The following EPHA6 variants were observed in gnomAD, a reference collection of about 807,000 sequenced individuals.
EPHA6 encodes the protein ephrin type-A receptor 6.
Under a neutral mutation model 112.0 loss-of-function variants are expected in EPHA6, and 50 were observed. The ratio of observed to expected loss-of-function variants is 0.45; its 90% CI spans 0.36 to 0.56. The LOEUF (loss-of-function observed/expected upper bound fraction) is 0.56. Among genes scored for constraint, EPHA6 ranks in the 20% least tolerant of loss-of-function variants. The pLI is 0.00. For missense variants in EPHA6, 1,280 were observed against 1,417.4 expected, an observed-to-expected ratio of 0.90 and a Z score of 1.56; for synonymous variants, 529 against 490.7, an observed-to-expected ratio of 1.08 and a Z score of -1.03.
At chr3:96,968,733 A>G (rs1369252064) in intron 2 of EPHA6, among the ~76,000 whole-genome samples, 1 of 151,888 alleles carries the variant, frequency 6.6e-6, no homozygotes, top group Admixed American at 6.6e-5. Flanking sequence ...GTGCAATATA[A>G]TGTGCAATAT....
At chr3:97,335,711 G>A (rs190092754) in intron 5 of EPHA6, among the ~76,000 whole-genome samples, 101 of 152,260 alleles carry the variant, frequency 6.6e-4, no homozygotes, top group South Asian at 4.1e-3. Flanking sequence ...CCTAGACAGA[G>A]CCAATTTATC....
At chr3:97,025,413 A>G (rs963578754) in intron 3 of EPHA6, among the ~76,000 whole-genome samples, 1 of 152,146 alleles carries the variant, frequency 6.6e-6, no homozygotes, top group Non-Finnish European at 1.5e-5. Context: ...TGCCAGATGC[A>G]TAGTTACTAA....
intron 2 of EPHA6, among the ~76,000 whole-genome samples, chr3:96,872,506 T>C (rs573652364): frequency 1.3e-5 from 2 of 152,148 alleles, no homozygotes; most frequent in East Asian, 3.9e-4. Context: ...TTCTTGTTCT[T>C]GCAAGGTAAG....
At chr3:97,150,241 C>A (rs766664427) in intron 3 of EPHA6, among the ~76,000 whole-genome samples, 26 of 152,168 alleles carry the variant, frequency 1.7e-4, no homozygotes, top group Non-Finnish European at 2.5e-4. Flanking sequence ...CTACCACCTC[C>A]TAAGTCAGGC....
At chr3:97,213,682 T>TG (rs72425911) in intron 3 of EPHA6, among the ~76,000 whole-genome samples, 32,176 of 152,064 alleles carry the variant, frequency 0.21, 8,704 homozygotes, top group African/African-American at 0.61. Flanking sequence ...CTTCACATTT[T>TG]GTCTTCTCCA....
intron 3 of EPHA6, among the ~76,000 whole-genome samples, chr3:97,014,596 C>T (rs1056077256): frequency 3.9e-5 from 6 of 152,066 alleles, no homozygotes; most frequent in East Asian, 3.8e-4. Flanking sequence ...GAAAGGACTG[C>T]GATGTTGAAA....
At chr3:97,233,094 T>G (rs1175258657) in intron 4 of EPHA6, among the ~76,000 whole-genome samples, 7 of 152,034 alleles carry the variant, frequency 4.6e-5, no homozygotes, top group African/African-American at 7.2e-5. Flanking sequence ...GAGACCACTG[T>G]TCCCTGGCAC....
At chr3:97,541,541 G>A (rs1056648405) in intron 11 of EPHA6, among the ~76,000 whole-genome samples, 1 of 151,752 alleles carries the variant, frequency 6.6e-6, no homozygotes, top group African/African-American at 2.4e-5. Context: ...TGTCCTTTTC[G>A]CTGCTCCAGG....
Position 96,856,699 on chromosome 3 carries a change from C to A in EPHA6, c.386-10126C>A, listed in dbSNP as rs570263629. Among the ~76,000 whole-genome samples the A allele has an allele frequency of 5.9e-5, 9 of 152,202 alleles. No individual in the cohort carries two copies. In the South Asian group the frequency reaches 1.7e-3, roughly 28 times the overall value. On this transcript the variant is annotated intron_variant, in intron 1 of 17. Transcript: ENST00000389672. ...TTTAAAATGGGTAGATACAATCATT[C>A]ATTTATTAAGTGGAAATAGATCTAG...
At chr3:96,853,255 A>G (rs925130135) in intron 1 of EPHA6, among the ~76,000 whole-genome samples, 1 of 152,076 alleles carries the variant, frequency 6.6e-6, no homozygotes, top group Non-Finnish European at 1.5e-5. Flanking sequence ...TAGAACAGAA[A>G]CTTTACAGAA....
intron 13 of EPHA6, among the ~76,000 whole-genome samples, chr3:97,618,037 C>T (rs984514481): frequency 4.6e-5 from 7 of 152,230 alleles, no homozygotes; most frequent in Admixed American, 3.3e-4. Context: ...GGAAGTAAAT[C>T]ACTCCTCAGC....
intron 3 of EPHA6, among the ~76,000 whole-genome samples, chr3:97,212,332 T>C (rs927118307): frequency 2.6e-5 from 4 of 152,144 alleles, no homozygotes; most frequent in African/African-American, 9.7e-5. Flanking sequence ...TAACATTAAG[T>C]AAAAATCATG....
At chr3:97,249,220 A>G in intron 5 of EPHA6, among the ~76,000 whole-genome samples, 1 of 152,270 alleles carries the variant, frequency 6.6e-6, no homozygotes, top group Non-Finnish European at 1.5e-5. Flanking sequence ...GGCAAATTAT[A>G]TATTCAAAAG....
chr3:97,092,686 T>C (rs968925005), intron 3 of EPHA6, among the ~76,000 whole-genome samples: 4 of 152,016 alleles, frequency 2.6e-5, no homozygotes, highest in Admixed American at 6.6e-5. Context: ...GTGTGACTCC[T>C]TGATGGAAGA....
intron 2 of EPHA6, among the ~76,000 whole-genome samples, chr3:96,930,215 C>T (rs1336640055): frequency 6.6e-6 from 1 of 152,166 alleles, no homozygotes; most frequent in Non-Finnish European, 1.5e-5. Flanking sequence ...AAGGCTATTT[C>T]TGTCATTTCA....
At chr3:97,159,653 T>C (rs1040536372) in intron 3 of EPHA6, among the ~76,000 whole-genome samples, 1 of 152,112 alleles carries the variant, frequency 6.6e-6, no homozygotes, top group Non-Finnish European at 1.5e-5. Flanking sequence ...GGGTCTTCAA[T>C]ATGCCCTGCC....
intron 16 of EPHA6, among the ~76,000 whole-genome samples, chr3:97,738,624 TGTGATTTA>T: frequency 6.6e-6 from 1 of 152,000 alleles, no homozygotes; most frequent in Non-Finnish European, 1.5e-5. Context: ...GCCAGAGATC[TGTGATTTA>T]GTGGGCTGTT....
At chr3:97,308,279 G>T (rs2081404246) in intron 5 of EPHA6, among the ~76,000 whole-genome samples, 1 of 151,508 alleles carries the variant, frequency 6.6e-6, no homozygotes, top group Non-Finnish European at 1.5e-5. Flanking sequence ...AACTGCCTTG[G>T]TGAAATTATA....
At chr3:97,453,215 G>C (rs2090582595) in intron 7 of EPHA6, among the ~76,000 whole-genome samples, 1 of 151,512 alleles carries the variant, frequency 6.6e-6, no homozygotes, top group Admixed American at 6.6e-5. Flanking sequence ...TGAAAAAATA[G>C]CTTGTGAGCT....
Sources: allele counts gnomAD v4.1 joint callset (sites outside exome capture counted in the v4.1 genomes callset), GRCh38; gene constraint gnomAD v4.1.1; transcripts MANE v1.5; gene names NCBI Gene and HGNC (gene_info 2026-07-23, HGNC 2026-07-21).